Variants in TENM1 observed in about 807,000 individuals in gnomAD.
TENM1 encodes teneurin-1.
Under a neutral mutation model 174.8 loss-of-function variants are expected in TENM1, and 35 were observed. The observed-to-expected ratio is 0.20, with a 90% CI of 0.15 to 0.27. TENM1 has a LOEUF of 0.27. Among genes scored for constraint, TENM1 ranks in the 10% least tolerant of loss-of-function variants. The pLI, the probability that TENM1 is intolerant of heterozygous loss-of-function variation, is 1.00. For synonymous variants in TENM1, 781 were observed against 798.7 expected, an observed-to-expected ratio of 0.98 and a Z score of 0.37; for missense variants, 1,633 against 2,130.1, an observed-to-expected ratio of 0.77 and a Z score of 4.59.
At chrX:125,102,618 C>T in the TENM1 span, among the ~76,000 whole-genome samples, 1 of 111,996 alleles carries the variant, frequency 8.9e-6, no homozygotes, top group African/African-American at 3.2e-5. Flanking sequence ...ACAGGAAAAT[C>T]AAACCCAAAG....
At chrX:125,116,398 A>G in the TENM1 span, among the ~76,000 whole-genome samples, 6 of 112,244 alleles carry the variant, frequency 5.3e-5, no homozygotes, top group Non-Finnish European at 1.1e-4. Flanking sequence ...GGATCTAATT[A>G]AAATAAAGAG....
the TENM1 span, among the ~76,000 whole-genome samples, chrX:124,998,535 G>A: frequency 2.7e-5 from 3 of 109,962 alleles, no homozygotes; most frequent in African/African-American, 9.9e-5. Context: ...TGTTTACTGA[G>A]TATTTACCAC....
intron 23 of TENM1, among the ~76,000 whole-genome samples, chrX:124,440,186 A>G (rs1469406905): frequency 2.7e-5 from 3 of 112,246 alleles, no homozygotes; most frequent in Non-Finnish European, 5.6e-5. Context: ...TCTGGGTTGC[A>G]TAAGCAATAA....
At chrX:125,170,515 C>T in the TENM1 span, among the ~76,000 whole-genome samples, 1 of 111,307 alleles carries the variant, frequency 9.0e-6, no homozygotes, top group Admixed American at 9.6e-5. Flanking sequence ...TGAGTTCAGA[C>T]GATCTCACCA....
the TENM1 span, chrX:125,203,668 C>A: frequency 8.8e-6 from 1 of 113,062 alleles, no homozygotes; most frequent in Non-Finnish European, 1.9e-5. Context: ...CTCAACCGGC[C>A]GCTAACAGCC....
chrX:124,847,670 T>G (rs1201370683), intron 3 of TENM1, among the ~76,000 whole-genome samples: 1 of 111,786 alleles, frequency 8.9e-6, no homozygotes, highest in African/African-American at 3.2e-5. Context: ...ACTCAGAATA[T>G]ATCTGTCAGA....
intron 23 of TENM1, among the ~76,000 whole-genome samples, chrX:124,426,137 G>A (rs1311295217): frequency 9.1e-6 from 1 of 109,878 alleles, no homozygotes; most frequent in Non-Finnish European, 1.9e-5. Flanking sequence ...CTAGACACAG[G>A]AGTTGATTCA....
intron 27 of TENM1, among the ~76,000 whole-genome samples, chrX:124,398,718 A>G (rs193059563): frequency 9.0e-6 from 1 of 111,351 alleles, no homozygotes; most frequent in African/African-American, 3.3e-5. Context: ...GGAGTCACCA[A>G]TTTTAAGCGT....
intron 1 of TENM1, among the ~76,000 whole-genome samples, chrX:124,951,643 T>TAC (rs1288982856): frequency 4.4e-5 from 1 of 22,491 alleles, no homozygotes; most frequent in Admixed American, 5.2e-4. Context: ...AGTTAAAATA[T>TAC]ATATATATAT....
At chrX:124,939,970 T>A (rs1603284775) in intron 1 of TENM1, among the ~76,000 whole-genome samples, 1 of 111,617 alleles carries the variant, frequency 9.0e-6, no homozygotes, top group East Asian at 2.8e-4. Flanking sequence ...CTTACTAGAG[T>A]ATAAGCTCTT....
chrX:124,693,083 T>C (rs1433723383), intron 5 of TENM1, among the ~76,000 whole-genome samples: 1 of 108,907 alleles, frequency 9.2e-6, no homozygotes, highest in Non-Finnish European at 1.9e-5. Context: ...TTGTCTGTTG[T>C]CAAGATGTCT....
At chrX:124,788,435 G>A (rs1323187836) in intron 3 of TENM1, among the ~76,000 whole-genome samples, 6 of 111,566 alleles carry the variant, frequency 5.4e-5, no homozygotes, top group African/African-American at 1.3e-4. Context: ...AACGCATTTC[G>A]ACATTAACTC....
the TENM1 span, among the ~76,000 whole-genome samples, chrX:125,017,701 A>G: frequency 2.7e-5 from 3 of 112,041 alleles, no homozygotes; most frequent in East Asian, 5.6e-4. Context: ...CATAAAAAGG[A>G]TGAATTCTTG....
chrX:125,005,407 T>TTG, the TENM1 span, among the ~76,000 whole-genome samples: 7,194 of 89,317 alleles, frequency 0.081, 299 homozygotes, highest in Non-Finnish European at 0.11. Flanking sequence ...CCTGACTTGG[T>TTG]TGTGTGTGTG....
exon 1 of TENM1, chrX:124,963,775 T>G (rs769770797): frequency 8.5e-7 from 1 of 1,174,172 alleles, no homozygotes; most frequent in South Asian, 1.8e-5. Context: ...CAAGCTCAGT[T>G]TCATGAAAAA....
intron 18 of TENM1, among the ~76,000 whole-genome samples, chrX:124,511,729 C>T (rs1350109079): frequency 8.9e-6 from 1 of 112,342 alleles, no homozygotes; most frequent in Non-Finnish European, 1.9e-5. Context: ...TCAGTGGATG[C>T]TATTTTTGTG....
At chrX:124,498,449 A>T (rs1489847438) in intron 19 of TENM1, among the ~76,000 whole-genome samples, 4 of 110,506 alleles carry the variant, frequency 3.6e-5, no homozygotes, top group African/African-American at 9.9e-5. Context: ...CTGTTAAGGC[A>T]CAAAAAGTCC....
At chrX:124,719,499 G>C (rs750332315) in intron 4 of TENM1, among the ~76,000 whole-genome samples, 5 of 111,465 alleles carry the variant, frequency 4.5e-5, no homozygotes, top group Non-Finnish European at 9.4e-5. Context: ...ACTCCTCTTA[G>C]GTTAGGTCAC....
chrX:124,425,995 GGTGTGTGTGTGTGTGT>G (rs200141105), intron 23 of TENM1, among the ~76,000 whole-genome samples: 1,535 of 87,987 alleles, frequency 0.017, 31 homozygotes, highest in African/African-American at 0.06. Context: ...CAAAAGGACT[GGTGTGTGTGTGTGTGT>G]GTGTGTGTGT....
Sources: gnomAD v4.1 joint callset for allele counts (sites outside exome capture counted in the v4.1 genomes callset) on GRCh38, gnomAD v4.1.1 for gene constraint, MANE v1.5 for transcripts, NCBI Gene and HGNC (gene_info 2026-07-23, HGNC 2026-07-21) for gene names.